PIK3CB: variants seen among roughly 807,000 people sequenced by gnomAD.
The protein encoded by PIK3CB is phosphatidylinositol 4,5-bisphosphate 3-kinase catalytic subunit beta isoform.
Under a neutral mutation model 136.8 loss-of-function variants are expected in PIK3CB, and 39 were observed. The ratio of observed to expected loss-of-function variants is 0.29; its 90% confidence interval spans 0.22 to 0.37. The LOEUF (loss-of-function observed/expected upper bound fraction) is 0.37, where lower values mean the gene tolerates loss of function less well. Among genes scored for constraint, PIK3CB ranks in the 10% least tolerant of loss-of-function variants. The pLI, the probability that PIK3CB is intolerant of heterozygous loss-of-function variation, is 1.00. For synonymous variants in PIK3CB, 428 were observed against 436.6 expected, an observed-to-expected ratio of 0.98 and a Z score of 0.25; for missense variants, 868 against 1,275.4, an observed-to-expected ratio of 0.68 and a Z score of 4.87.
intron 18 of PIK3CB, 99 bp downstream of exon 18, chr3:138,683,579 T>C (rs1420267753): frequency 7.2e-6 from 5 of 697,150 alleles, no homozygotes; most frequent in South Asian, 3.4e-5. Flanking sequence ...TGGCTGCAAA[T>C]TGTTACACAC....
intron 2 of PIK3CB, among the ~76,000 whole-genome samples, chr3:138,767,033 G>T (rs895916623): frequency 2.0e-5 from 3 of 151,774 alleles, no homozygotes; most frequent in African/African-American, 7.3e-5. Context: ...AAGTATCCGG[G>T]CATGGTGGCA....
rs398052626 is a variant in PIK3CB at position 138,685,396 on chromosome 3, C to CAAAAA, written c.2137-598_2137-594dup. 1.4e-3 allele frequency among the ~76,000 whole-genome samples: 83 copies of CAAAAA among 58,294 alleles called. 2 individuals are homozygous for CAAAAA. The highest frequency in any genetic ancestry group is 6.7e-3 in the African/African-American group (68 of 10,096). The allele number at this position is 58,294 out of a possible 152,430, so 38.2% of individuals were successfully genotyped here. On this transcript the variant is annotated intron_variant, in intron 16 of 23. Transcript: ENST00000674063. The stretch of plus-strand genomic sequence containing the variant: ...TGGGTAAGAGAGTGAGAAACTGTCT[C>CAAAAA]AAAAAAAAAAAAAAAAAAAAAAAAA...
At chr3:138,705,161 AAAAAAAAAAAAACAAAAAACAAAACAAAC>A (rs1484713459) in intron 11 of PIK3CB, among the ~76,000 whole-genome samples, 26 of 99,538 alleles carry the variant, frequency 2.6e-4, no homozygotes, top group East Asian at 8.8e-4. Flanking sequence ...AAGGCAAAAA[AAAAAAAAAAAAACAAAAAACAAAACAAAC>A]AAAAAAAAAA....
chr3:138,734,975 CAG>C (rs1318212287), intron 6 of PIK3CB, among the ~76,000 whole-genome samples, 171 bp from the exon 7 acceptor site: 1 of 132,944 alleles, frequency 7.5e-6, no homozygotes, highest in African/African-American at 2.8e-5. Flanking sequence ...TTTTTTGAGA[CAG>C]GGTCTATGTT....
intron 1 of PIK3CB, among the ~76,000 whole-genome samples, chr3:138,812,082 C>T (rs1211836605): frequency 6.6e-6 from 1 of 151,938 alleles, no homozygotes; most frequent in Non-Finnish European, 1.5e-5. Context: ...CAGGGCAAGA[C>T]CGTATCTCTA....
intron 1 of PIK3CB, among the ~76,000 whole-genome samples, chr3:138,830,750 AAATT>A (rs1933990617): frequency 6.7e-6 from 1 of 148,416 alleles, no homozygotes; most frequent in Non-Finnish European, 1.5e-5. Flanking sequence ...ACACACAAAA[AAATT>A]AGCCGGGCGT....
chr3:138,823,143 A>G (rs2034824251), intron 1 of PIK3CB, among the ~76,000 whole-genome samples: 1 of 151,392 alleles, frequency 6.6e-6, no homozygotes, highest in Non-Finnish European at 1.5e-5. Flanking sequence ...CTTTAATAGA[A>G]TCTAAATACA....
At chr3:138,767,697 GC>G (rs994392629) in intron 2 of PIK3CB, among the ~76,000 whole-genome samples, 1 of 152,220 alleles carries the variant, frequency 6.6e-6, no homozygotes, top group Non-Finnish European at 1.5e-5. Context: ...CTGCAGCAGG[GC>G]AGGCAGCTCC....
At chr3:138,779,696 A>AAT (rs2045902459) in intron 2 of PIK3CB, among the ~76,000 whole-genome samples, 1 of 145,142 alleles carries the variant, frequency 6.9e-6, no homozygotes, top group Non-Finnish European at 1.5e-5. Context: ...ACCTGGCCAA[A>AAT]TTTTTTTTTT....
At chr3:138,784,536 T>G (rs1434429445) in intron 2 of PIK3CB, among the ~76,000 whole-genome samples, 1 of 152,038 alleles carries the variant, frequency 6.6e-6, no homozygotes, top group East Asian at 1.9e-4. Flanking sequence ...CCTGCCTGAT[T>G]CTCCTGCCTC....
chr3:138,792,947 G>T (rs895326840), intron 2 of PIK3CB, among the ~76,000 whole-genome samples: 5 of 152,130 alleles, frequency 3.3e-5, no homozygotes, highest in African/African-American at 1.2e-4. Flanking sequence ...CCAGCTAAGT[G>T]TAGGATTTCT....
intron 1 of PIK3CB, among the ~76,000 whole-genome samples, chr3:138,824,214 C>T (rs1201244480): frequency 2.0e-5 from 3 of 152,186 alleles, no homozygotes; most frequent in African/African-American, 4.8e-5. Context: ...CCTCCCCCTG[C>T]AGGCATGGAT....
chr3:138,669,428 G>T (rs966565315), intron 19 of PIK3CB, among the ~76,000 whole-genome samples: 18 of 136,518 alleles, frequency 1.3e-4, no homozygotes, highest in African/African-American at 4.0e-4. Flanking sequence ...AAAAAAAAAG[G>T]GGGGGGGGAT....
At chr3:138,814,017 T>C (rs1034887985) in intron 1 of PIK3CB, among the ~76,000 whole-genome samples, 2 of 152,156 alleles carry the variant, frequency 1.3e-5, no homozygotes, top group Non-Finnish European at 2.9e-5. Context: ...ATGTGGATAC[T>C]ATACTAACAG....
intron 2 of PIK3CB, among the ~76,000 whole-genome samples, chr3:138,767,239 T>G (rs148809215): frequency 4.1e-4 from 62 of 152,176 alleles, no homozygotes; most frequent in African/African-American, 1.5e-3. Context: ...CTGTAGAAAA[T>G]TCAAAAATCA....
intron 4 of PIK3CB, among the ~76,000 whole-genome samples, chr3:138,744,321 G>C (rs1207041253): frequency 1.4e-5 from 2 of 147,294 alleles, no homozygotes; most frequent in African/African-American, 4.9e-5. Context: ...CGTGAACCCG[G>C]GAGGCGGAGC....
intron 8 of PIK3CB, among the ~76,000 whole-genome samples, chr3:138,718,558 G>A (rs191618837): frequency 1.4e-4 from 22 of 152,220 alleles, no homozygotes; most frequent in Non-Finnish European, 3.1e-4. Context: ...TGTTGTGATC[G>A]CTTTTGGTGT....
intron 1 of PIK3CB, among the ~76,000 whole-genome samples, chr3:138,798,969 C>T (rs546748876): frequency 1.5e-4 from 23 of 152,196 alleles, no homozygotes; most frequent in Admixed American, 1.4e-3. Context: ...AGATGTAAGC[C>T]TGTAATCCAG....
intron 12 of PIK3CB, among the ~76,000 whole-genome samples, chr3:138,701,430 C>G (rs2044249931): frequency 6.6e-6 from 1 of 151,954 alleles, no homozygotes; most frequent in Admixed American, 6.6e-5. Context: ...CTTCATGAAT[C>G]TACTCAGGTT....
Sources: gnomAD v4.1 joint callset for allele counts (sites outside exome capture counted in the v4.1 genomes callset) on GRCh38, gnomAD v4.1.1 for gene constraint, MANE v1.5 for transcripts, NCBI Gene and HGNC (gene_info 2026-07-23, HGNC 2026-07-21) for gene names.